The following PLCG2 variants were observed in gnomAD, a reference collection of about 807,000 sequenced individuals.
The protein encoded by PLCG2 is 1-phosphatidylinositol 4,5-bisphosphate phosphodiesterase gamma-2.
Under a neutral mutation model 175.6 loss-of-function variants are expected in PLCG2, and 69 were observed. The observed-to-expected ratio is 0.39, with a 90% CI of 0.32 to 0.48. The LOEUF (loss-of-function observed/expected upper bound fraction) is 0.48. PLCG2 is among the 20% of genes least tolerant of loss of function. The pLI is 0.91. For synonymous variants in PLCG2, 827 were observed against 624.0 expected, an observed-to-expected ratio of 1.33 and a Z score of -4.85; for missense variants, 1,798 against 1,650.9, an observed-to-expected ratio of 1.09 and a Z score of -1.54.
At chr16:81,778,940 C>G (rs375128499), upstream of PLCG2, among the ~76,000 whole-genome samples, 2 of 152,230 alleles carry the variant, frequency 1.3e-5, no homozygotes, top group African/African-American at 2.4e-5. Flanking sequence ...GGATGACAGG[C>G]GTGAGCCCGG....
chr16:81,866,706 G>A (rs35658502), intron 5 of PLCG2, among the ~76,000 whole-genome samples: 11 of 132,754 alleles, frequency 8.3e-5, no homozygotes, highest in Admixed American at 2.2e-4. Context: ...TCCCAGGATG[G>A]GCTCCACTGG....
chr16:81,803,558 C>CTTCCTTTCAT (rs1911844016), intron 2 of PLCG2, among the ~76,000 whole-genome samples: 1 of 132,476 alleles, frequency 7.5e-6, no homozygotes, highest in Non-Finnish European at 1.6e-5. Context: ...CCTTTCTTTC[C>CTTCCTTTCAT]TTCCTTTCCT....
rs1911751749 is a variant in PLCG2, at chr16:81,960,763, T to C, written c.*2765T>C. The C allele has an allele frequency of 8.7e-6, 2 of 228,982 alleles. No homozygotes were observed. Among genetic ancestry groups the C allele is most frequent in the South Asian group, 3.6e-4 (2 of 5,502 alleles). 14.2% of individuals were successfully genotyped at this position (228,982 alleles called of 1,614,324 possible). On this transcript the variant is annotated 3_prime_UTR_variant, in exon 33 of 33. Transcript: ENST00000564138. ...TTGTGACCTAGTTAAAATCTAAACT[T>C]AAGTCGCCATGGCCAGTGGCCTTTA...
chr16:81,798,422 T>G (rs896695910), intron 2 of PLCG2: 1 of 152,296 alleles, frequency 6.6e-6, no homozygotes, highest in African/African-American at 2.4e-5. Context: ...CTCTTGGACC[T>G]GAGCCTGGAT....
chr16:81,862,142 G>C (rs1018218489), intron 5 of PLCG2, among the ~76,000 whole-genome samples: 1 of 152,188 alleles, frequency 6.6e-6, no homozygotes, highest in Non-Finnish European at 1.5e-5. Context: ...TCCCTTTCCT[G>C]TCACCCACGA....
At chr16:81,771,732 C>T (rs1910286036) in intron 2 of PLCG2, among the ~76,000 whole-genome samples, 1 of 150,010 alleles carries the variant, frequency 6.7e-6, no homozygotes, top group Non-Finnish European at 1.5e-5. Flanking sequence ...AAACCCTGCA[C>T]CTGTGAATGT....
intron 7 of PLCG2, among the ~76,000 whole-genome samples, chr16:81,879,016 T>C (rs1016481500): frequency 2.6e-5 from 4 of 152,146 alleles, no homozygotes; most frequent in Non-Finnish European, 4.4e-5. Flanking sequence ...GCCAGGTCTT[T>C]CCTGGTTCTG....
At chr16:81,900,808 T>C in intron 14 of PLCG2, 28 bp downstream of exon 14, 1 of 1,582,912 alleles carries the variant, frequency 6.3e-7, no homozygotes, top group Non-Finnish European at 8.7e-7. Context: ...TGCTGTTGGC[T>C]GTCCAGGGAG....
chr16:81,821,823 C>G (rs1259289447), intron 2 of PLCG2, among the ~76,000 whole-genome samples: 5 of 151,996 alleles, frequency 3.3e-5, no homozygotes, highest in African/African-American at 9.7e-5. Context: ...CTGCAAACAA[C>G]TTTTGGGGAC....
intron 2 of PLCG2, among the ~76,000 whole-genome samples, chr16:81,844,236 A>G (rs986801916): frequency 7.2e-6 from 1 of 138,440 alleles, no homozygotes. Context: ...CTCGTGATCC[A>G]CCCGCCTCGG....
chr16:81,899,203 T>C (rs1387956835), intron 13 of PLCG2, among the ~76,000 whole-genome samples: 1 of 150,294 alleles, frequency 6.7e-6, no homozygotes, highest in Non-Finnish European at 1.5e-5. Flanking sequence ...GAAAAATAAA[T>C]AAATAAAATA....
intron 30 of PLCG2, among the ~76,000 whole-genome samples, chr16:81,943,318 A>C (rs1435343472): frequency 6.6e-6 from 1 of 152,154 alleles, no homozygotes; most frequent in Non-Finnish European, 1.5e-5. Flanking sequence ...GGAAATTTAC[A>C]ATCCTGGTAG....
intron 2 of PLCG2, among the ~76,000 whole-genome samples, chr16:81,788,345 A>G (rs1023633598): frequency 1.3e-5 from 2 of 152,170 alleles, no homozygotes; most frequent in African/African-American, 2.4e-5. Context: ...CAGTAGTACA[A>G]TGTCAGCTCA....
intron 2 of PLCG2, among the ~76,000 whole-genome samples, chr16:81,807,725 G>C (rs937552302): frequency 4.6e-5 from 7 of 152,294 alleles, no homozygotes; most frequent in African/African-American, 1.4e-4. Context: ...AATATAAAAA[G>C]GAAAGAGGTT....
At chr16:81,759,461 C>G (rs1008439351) in intron 2 of PLCG2, among the ~76,000 whole-genome samples, 28 of 152,094 alleles carry the variant, frequency 1.8e-4, no homozygotes, top group African/African-American at 6.0e-4. Context: ...CTGCAGAATT[C>G]TAAAGGTCTA....
intron 1 of PLCG2, among the ~76,000 whole-genome samples, chr16:81,743,072 G>C (rs1033257857): frequency 6.6e-6 from 1 of 152,184 alleles, no homozygotes; most frequent in South Asian, 2.1e-4. Flanking sequence ...ATGCTGAAGT[G>C]GGGGGATCAC....
chr16:81,870,507 C>A lies in PLCG2; in HGVS notation c.565-345C>A, dbSNP rs967445261. On this transcript the variant is annotated intron_variant, in intron 6 of 32. Coordinates refer to ENST00000564138, the MANE Select transcript of PLCG2 (RefSeq NM_002661.5). ...AGTTACGCATCATGTCTCTTGGAAACCTGGCTGAGACTCTTCCCTTTTGGG... is the reference window on the plus strand; with the variant it reads ...AGTTACGCATCATGTCTCTTGGAAAACTGGCTGAGACTCTTCCCTTTTGGG... Among the ~76,000 whole-genome samples the A allele has an allele frequency of 1.3e-4, 20 of 152,284 alleles. No homozygotes were observed. The East Asian group carries it at 3.9e-3, about 29-fold the overall frequency.
chr16:81,935,598 A>C, intron 26 of PLCG2: 1 of 985,258 alleles, frequency 1.0e-6, no homozygotes, highest in Non-Finnish European at 1.2e-6. Flanking sequence ...GCCAGTCCCT[A>C]GGAACTTCTA....
intron 21 of PLCG2, chr16:81,921,478 AAC>A (rs1910060210): frequency 3.3e-6 from 2 of 599,774 alleles, no homozygotes; most frequent in Admixed American, 5.0e-5. Context: ...ATCCAAATGC[AAC>A]AGTGTTTTGC....
Sources: allele counts gnomAD v4.1 joint callset (sites outside exome capture counted in the v4.1 genomes callset), GRCh38; gene constraint gnomAD v4.1.1; transcripts MANE v1.5; gene names NCBI Gene and HGNC (gene_info 2026-07-23, HGNC 2026-07-21).